The following ACTR3 variants were observed in gnomAD, a reference collection of about 807,000 sequenced individuals.
ACTR3 encodes the protein actin-related protein 3.
ACTR3 carries 12 observed loss-of-function variants against 56.8 expected under a neutral mutation model. The ratio of observed to expected loss-of-function variants is 0.21; its 90% CI spans 0.14 to 0.34. The LOEUF (loss-of-function observed/expected upper bound fraction) is 0.34. ACTR3 is among the 10% of genes least tolerant of loss of function. ACTR3 has a pLI of 1.00. For synonymous variants in ACTR3, 162 were observed against 167.4 expected (o/e 0.97, Z 0.25); for missense variants, 282 against 512.5 (o/e 0.55, Z 4.34).
chr2:113,895,366 A>G (rs539188973), intron 1 of ACTR3, among the ~76,000 whole-genome samples: 1 of 152,304 alleles, frequency 6.6e-6, no homozygotes, highest in African/African-American at 2.4e-5. Flanking sequence ...ACTACACTAG[A>G]TCTTCCTTCC....
In ACTR3 at chr2:113,960,736, C is replaced by T. The variant is rs929773655; in HGVS notation, c.*3281C>T. On this transcript the variant is annotated 3_prime_UTR_variant, in exon 12 of 12. Coordinates refer to ENST00000263238, the MANE Select transcript of ACTR3 (RefSeq NM_005721.5). Reference sequence around the variant, plus strand: ...TCTGATCTTTCGTAGTTCATAGTCACCAGGCATGAGTACCTTGGATAGCCC... The same window carrying T: ...TCTGATCTTTCGTAGTTCATAGTCATCAGGCATGAGTACCTTGGATAGCCC... 1 of 151,924 alleles carries T rather than the reference C, an allele frequency of 6.6e-6. No individual in the cohort carries two copies. The highest frequency in any genetic ancestry group is 1.9e-4 in the East Asian group (1 of 5,192). The allele number at this position is 151,924 out of a possible 1,614,324, so 9.4% of individuals were successfully genotyped here.
chr2:113,955,653 C>T lies in ACTR3; in HGVS notation c.1108C>T (p.His370Tyr), dbSNP rs754959132. ...ACCTATTGATGTACAAGTCATTACA[C>T]ACCACATGCAGCGATATGCAGTTTG... The part of the protein sequence containing the change: ...PKPIDVQVIT[H>Y]HMQRYAVWFG... The change falls in exon 11 of 12, where the codon CAC (histidine) becomes TAC (tyrosine). Residue 370 changes from histidine to tyrosine, a missense_variant. By Grantham distance (83) the His-to-Tyr change is moderately conservative. Coordinates refer to ENST00000263238, the MANE Select transcript of ACTR3 (RefSeq NM_005721.5). The T allele has an allele frequency of 1.2e-6, 2 of 1,613,454 alleles. No homozygotes were observed. Among genetic ancestry groups the T allele is most frequent in the Admixed American group, 1.7e-5 (1 of 60,008 alleles).
rs76935833 is a variant in ACTR3 at position 113,910,238 on chromosome 2, A to G, written c.45-2934A>G. ...ATCCTGTCTATGCACTGAAGCCTCTATAAAAACCCAAAGGACAGAGTTTGG... is the reference window on the plus strand; with the variant it reads ...ATCCTGTCTATGCACTGAAGCCTCTGTAAAAACCCAAAGGACAGAGTTTGG... On this transcript the variant is annotated intron_variant, in intron 1 of 11. Coordinates refer to ENST00000263238, the MANE Select transcript of ACTR3 (RefSeq NM_005721.5). 4.5e-3 allele frequency among the ~76,000 whole-genome samples: 674 copies of G among 151,400 alleles called. 11 individuals carry two copies. The highest frequency in any genetic ancestry group is 0.036 in the East Asian group (187 of 5,178).
At chr2:113,890,491 T>C in intron 1 of ACTR3, 168 bp downstream of exon 1, 1 of 1,293,384 alleles carries the variant, frequency 7.7e-7, no homozygotes, top group South Asian at 1.6e-5. Flanking sequence ...GCCTCGCGGG[T>C]CCCCTCGTTT....
intron 8 of ACTR3, among the ~76,000 whole-genome samples, chr2:113,946,318 T>A (rs1010375721): frequency 7.2e-5 from 11 of 151,980 alleles, no homozygotes; most frequent in African/African-American, 2.7e-4. Context: ...TAAATTGTAT[T>A]TATTTTTTAA....
chr2:113,900,238 A>C (rs1419451563), intron 1 of ACTR3, among the ~76,000 whole-genome samples: 1 of 152,122 alleles, frequency 6.6e-6, no homozygotes, highest in East Asian at 1.9e-4. Flanking sequence ...CAATTTTAGA[A>C]CATTTTCATG....
chr2:113,954,716 G>A (rs888367099), intron 10 of ACTR3: 1 of 149,656 alleles, frequency 6.7e-6, no homozygotes, highest in Non-Finnish European at 1.5e-5. Flanking sequence ...GGCTGATCTT[G>A]TACTTTCTCT....
intron 1 of ACTR3, among the ~76,000 whole-genome samples, chr2:113,896,640 A>G (rs776257397): frequency 6.6e-6 from 1 of 152,274 alleles, no homozygotes; most frequent in Non-Finnish European, 1.5e-5. Context: ...TTTGGGAATC[A>G]TAATTTGTTA....
intron 1 of ACTR3, among the ~76,000 whole-genome samples, chr2:113,896,467 A>G (rs893086412): frequency 2.6e-5 from 4 of 152,250 alleles, no homozygotes; most frequent in Non-Finnish European, 5.9e-5. Flanking sequence ...GCATCAATGA[A>G]TAGTTCAAGA....
chr2:113,902,975 G>A (rs1679129463), intron 1 of ACTR3, among the ~76,000 whole-genome samples: 1 of 152,190 alleles, frequency 6.6e-6, no homozygotes, highest in Non-Finnish European at 1.5e-5. Context: ...TTTGTTACCT[G>A]ACATAGTTAC....
chr2:113,956,531 A>T (rs1448176111), intron 11 of ACTR3, among the ~76,000 whole-genome samples: 1 of 152,120 alleles, frequency 6.6e-6, no homozygotes, highest in Admixed American at 6.5e-5. Context: ...AAAAACATTA[A>T]GGTAAAAGTT....
In ACTR3 at chr2:113,960,665, C is replaced by T. The variant is rs1238422813; in HGVS notation, c.*3210C>T. On this transcript the variant is annotated 3_prime_UTR_variant, in exon 12 of 12. Transcript: ENST00000263238. ...TGTCAATACTGAAGTCCAGTCTTTT[C>T]CCCCTTTTCTTACCAGCTCAACCTT... is the stretch of plus-strand genomic sequence containing the variant. 1.3e-5 allele frequency: 2 copies of T among 151,922 alleles called. No homozygotes were observed. The highest frequency in any genetic ancestry group is 2.9e-5 in the Non-Finnish European group (2 of 67,884). The allele number at this position is 151,922 out of a possible 1,614,324, so 9.4% of individuals were successfully genotyped here. A position where few individuals can be genotyped will look rare whatever the true frequency, so the allele number is the denominator to read the frequency against.
intron 1 of ACTR3, among the ~76,000 whole-genome samples, chr2:113,902,549 C>T (rs1679119670): frequency 6.6e-6 from 1 of 151,334 alleles, no homozygotes; most frequent in Non-Finnish European, 1.5e-5. Context: ...AAGAGCTTTT[C>T]TATATATTTA....
intron 1 of ACTR3, 113 bp from the exon 2 acceptor site, chr2:113,913,059 G>A (rs570793369): frequency 1.4e-5 from 9 of 635,456 alleles, no homozygotes; most frequent in Non-Finnish European, 2.1e-5. Context: ...ATGGAATTTG[G>A]TATATTATTT....
chr2:113,921,993 A>G (rs779663690), intron 3 of ACTR3, among the ~76,000 whole-genome samples: 4 of 152,200 alleles, frequency 2.6e-5, no homozygotes, highest in Non-Finnish European at 5.9e-5. Flanking sequence ...GTAGAGGTAA[A>G]CACTGTAGAA....
intron 7 of ACTR3, 35 bp from the exon 8 acceptor site, chr2:113,942,151 G>T: frequency 6.6e-7 from 1 of 1,516,918 alleles, no homozygotes; most frequent in South Asian, 1.3e-5. Context: ...CCTATAATAA[G>T]CAAAAAAAGT....
intron 8 of ACTR3, chr2:113,950,743 G>C (rs1680105784): frequency 6.6e-6 from 1 of 152,208 alleles, no homozygotes; most frequent in Non-Finnish European, 1.5e-5. Flanking sequence ...TTACTGGTAT[G>C]TGCATTTAAA....
At chr2:113,909,666 TGA>T (rs1474586281) in intron 1 of ACTR3, among the ~76,000 whole-genome samples, 3 of 149,126 alleles carry the variant, frequency 2.0e-5, no homozygotes, top group Non-Finnish European at 4.4e-5. Context: ...AGATAATATG[TGA>T]GGGGGGAATA....
rs894773037 is a variant in ACTR3 at position 113,960,722 on chromosome 2, G to A, written c.*3267G>A. 3 of 151,682 alleles carry A rather than the reference G, an allele frequency of 2.0e-5. No individual in the cohort carries two copies. Among genetic ancestry groups the A allele is most frequent in the Non-Finnish European group, 2.9e-5 (2 of 67,824 alleles). The allele number at this position is 151,682 out of a possible 1,614,324, so 9.4% of individuals were successfully genotyped here. On this transcript the variant is annotated 3_prime_UTR_variant, in exon 12 of 12. Coordinates refer to ENST00000263238, the MANE Select transcript of ACTR3 (RefSeq NM_005721.5). The stretch of plus-strand genomic sequence containing the variant: ...TGTGACCCATTCTTTCTGATCTTTC[G>A]TAGTTCATAGTCACCAGGCATGAGT...
Sources: gnomAD v4.1 joint callset for allele counts (sites outside exome capture counted in the v4.1 genomes callset) on GRCh38, gnomAD v4.1.1 for gene constraint, MANE v1.5 for transcripts, NCBI Gene and HGNC (gene_info 2026-07-23, HGNC 2026-07-21) for gene names.